The following FHIP1A variants were observed in gnomAD, a reference collection of about 807,000 sequenced individuals.
FHIP1A encodes FHF complex subunit HOOK interacting protein 1A.
A neutral mutation model predicts 88.6 loss-of-function variants in FHIP1A; 61 were observed. The ratio of observed to expected loss-of-function variants is 0.69; its 90% CI spans 0.56 to 0.85. FHIP1A has a LOEUF of 0.85. FHIP1A is among the 40% of genes least tolerant of loss of function. The pLI is 0.00. For missense variants in FHIP1A, 1,154 were observed against 1,273.5 expected (o/e 0.91, Z 1.43); for synonymous variants, 478 against 496.0 (o/e 0.96, Z 0.48).
chr4:151,597,339 C>T (rs1372170798), intron 7 of FHIP1A, among the ~76,000 whole-genome samples: 1 of 152,158 alleles, frequency 6.6e-6, no homozygotes, highest in African/African-American at 2.4e-5. Context: ...CCCTGTTTGC[C>T]TAGTTATCAC....
At chr4:151,461,467 A>G (rs932865946) in intron 2 of FHIP1A, among the ~76,000 whole-genome samples, 4 of 152,286 alleles carry the variant, frequency 2.6e-5, no homozygotes, top group East Asian at 3.9e-4. Context: ...TATAGTTTCA[A>G]ATAGCTAGAA....
Position 151,509,828 on chromosome 4 carries a change from A to C in FHIP1A, c.-123+27180A>C, listed in dbSNP as rs80234473. Among the ~76,000 whole-genome samples, 809 of 152,058 alleles carry C rather than the reference A, an allele frequency of 5.3e-3. 7 individuals carry two copies. Among genetic ancestry groups the C allele is most frequent in the African/African-American group, 0.019 (787 of 41,442 alleles). On this transcript the variant is annotated intron_variant, in intron 3 of 13. Coordinates refer to ENST00000435205, the MANE Select transcript of FHIP1A (RefSeq NM_001109977.3). ...TTAAAGAAATTAATTTCCCCCCACG[A>C]TATATCTCTCTGGAATATTATGATC...
At chr4:151,591,007 A>G (rs1171081958) in intron 7 of FHIP1A, among the ~76,000 whole-genome samples, 1 of 152,152 alleles carries the variant, frequency 6.6e-6, no homozygotes, top group Non-Finnish European at 1.5e-5. Context: ...TCTCAGGGCT[A>G]TATAGCAACT....
intron 9 of FHIP1A, among the ~76,000 whole-genome samples, chr4:151,641,513 TCTTAA>T (rs1245808182): frequency 6.6e-6 from 1 of 152,268 alleles, no homozygotes; most frequent in African/African-American, 2.4e-5. Context: ...TTGTAAACAT[TCTTAA>T]AACATTATGA....
chr4:151,607,798 G>A (rs1735130299), intron 7 of FHIP1A, among the ~76,000 whole-genome samples: 1 of 152,072 alleles, frequency 6.6e-6, no homozygotes, highest in Non-Finnish European at 1.5e-5. Context: ...GGCACTTAGT[G>A]CTAAATACAT....
chr4:151,549,015 C>G (rs1038816417), intron 3 of FHIP1A, among the ~76,000 whole-genome samples: 4 of 152,178 alleles, frequency 2.6e-5, no homozygotes, highest in Non-Finnish European at 4.4e-5. Flanking sequence ...ACTGTTGTGT[C>G]ATTCCCCTAT....
intron 4 of FHIP1A, among the ~76,000 whole-genome samples, chr4:151,573,879 A>G (rs966802623): frequency 3.9e-5 from 6 of 152,242 alleles, no homozygotes; most frequent in Non-Finnish European, 8.8e-5. Flanking sequence ...ATCAGAGATC[A>G]GTTTATAGAA....
At chr4:151,621,582 T>TG (rs1325638021) in intron 7 of FHIP1A, among the ~76,000 whole-genome samples, 2 of 11,394 alleles carry the variant, frequency 1.8e-4, no homozygotes, top group African/African-American at 3.6e-4. Flanking sequence ...GGGGAGGAGT[T>TG]GGGGGGGTTG....
At chr4:151,493,713 A>G (rs1015457983) in intron 3 of FHIP1A, among the ~76,000 whole-genome samples, 2 of 152,238 alleles carry the variant, frequency 1.3e-5, no homozygotes, top group African/African-American at 4.8e-5. Context: ...ACAGAATTAA[A>G]AACAAAAATT....
chr4:151,552,406 G>A (rs190564290), intron 3 of FHIP1A, among the ~76,000 whole-genome samples: 3 of 152,222 alleles, frequency 2.0e-5, no homozygotes, highest in Admixed American at 1.3e-4. Context: ...ATTCACAATA[G>A]CAAAGACTTG....
chr4:151,439,757 G>A (rs544236447), intron 1 of FHIP1A, among the ~76,000 whole-genome samples: 14 of 152,154 alleles, frequency 9.2e-5, no homozygotes, highest in Non-Finnish European at 1.9e-4. Flanking sequence ...ACTGGAAAAG[G>A]CATTAACCAA....
At chr4:151,516,825 G>A (rs1307659071) in intron 3 of FHIP1A, among the ~76,000 whole-genome samples, 1 of 151,494 alleles carries the variant, frequency 6.6e-6, no homozygotes, top group Non-Finnish European at 1.5e-5. Context: ...AGGATATGGA[G>A]AAATAGGAAC....
At chr4:151,426,801 A>G (rs1187728990) in intron 1 of FHIP1A, among the ~76,000 whole-genome samples, 7 of 152,202 alleles carry the variant, frequency 4.6e-5, no homozygotes, top group African/African-American at 7.2e-5. Context: ...AGGTAGCCTT[A>G]CGGTGTTATA....
chr4:151,459,541 G>A (rs555049730), intron 2 of FHIP1A, among the ~76,000 whole-genome samples: 1 of 152,276 alleles, frequency 6.6e-6, no homozygotes, highest in African/African-American at 2.4e-5. Flanking sequence ...TATGTAAGCA[G>A]CACCTGACTT....
rs1024536839 is a variant in FHIP1A at position 151,667,553 on chromosome 4, C to G, written c.*4799C>G. Among the ~76,000 whole-genome samples, 2 of 152,134 alleles carry G rather than the reference C, an allele frequency of 1.3e-5. No individual in the cohort carries two copies. Among genetic ancestry groups the G allele is most frequent in the Admixed American group, 1.3e-4 (2 of 15,272 alleles). ...TTGGGACTACAGATTATCCTGGCAG[C>G]TCAATAACTGGATAAACAGGACTTT... On this transcript the variant is annotated 3_prime_UTR_variant, in exon 14 of 14. Coordinates refer to ENST00000435205, the MANE Select transcript of FHIP1A (RefSeq NM_001109977.3).
At chr4:151,474,702 AAC>A (rs1357720504) in intron 2 of FHIP1A, among the ~76,000 whole-genome samples, 12 of 152,228 alleles carry the variant, frequency 7.9e-5, no homozygotes, top group Non-Finnish European at 1.6e-4. Context: ...GCCAGTAATA[AAC>A]ACGTGTTTAT....
chr4:151,663,573 G>A lies in FHIP1A; in HGVS notation c.*819G>A, dbSNP rs1181163324. ...AGAAGTAATGGTATCACATATATAT[G>A]TAAGAAGACAACCATCATTATTTTT... On this transcript the variant is annotated 3_prime_UTR_variant, in exon 14 of 14. Coordinates refer to ENST00000435205, the MANE Select transcript of FHIP1A (RefSeq NM_001109977.3). 1 of 152,120 alleles carries A rather than the reference G, an allele frequency of 6.6e-6. No homozygotes were observed. Among genetic ancestry groups the A allele is most frequent in the Non-Finnish European group, 1.5e-5 (1 of 68,026 alleles). 9.4% of individuals were successfully genotyped at this position (152,120 alleles called of 1,614,324 possible).
At chr4:151,588,633 C>T (rs774878229) in intron 6 of FHIP1A, among the ~76,000 whole-genome samples, 8 of 152,220 alleles carry the variant, frequency 5.3e-5, no homozygotes, top group East Asian at 3.9e-4. Flanking sequence ...TCAACTTCTG[C>T]GGATTTTAAC....
intron 8 of FHIP1A, among the ~76,000 whole-genome samples, chr4:151,635,325 A>G (rs1240232264): frequency 6.6e-6 from 1 of 151,920 alleles, no homozygotes; most frequent in Non-Finnish European, 1.5e-5. Flanking sequence ...AGGTTTCCCA[A>G]GAAATTAAAC....
Sources: allele counts gnomAD v4.1 joint callset (sites outside exome capture counted in the v4.1 genomes callset), GRCh38; gene constraint gnomAD v4.1.1; transcripts MANE v1.5; gene names NCBI Gene and HGNC (gene_info 2026-07-23, HGNC 2026-07-21).